Variants in TTLL11 observed in about 807,000 individuals in gnomAD.
TTLL11 encodes tubulin polyglutamylase TTLL11.
A neutral mutation model predicts 51.7 loss-of-function variants in TTLL11; 42 were observed. The observed-to-expected ratio is 0.81, with a 90% CI of 0.64 to 1.05. TTLL11 has a LOEUF of 1.05. Ranked by LOEUF, TTLL11 falls within the 50% of genes least tolerant of loss-of-function variation. The pLI, the probability that TTLL11 is intolerant of heterozygous loss-of-function variation, is 0.00. For missense variants in TTLL11, 799 were observed against 940.4 expected (o/e 0.85, Z 1.97); for synonymous variants, 381 against 383.5 (o/e 0.99, Z 0.08).
At chr9:121,888,433 C>T (rs1341514833) in intron 6 of TTLL11, among the ~76,000 whole-genome samples, 1 of 152,214 alleles carries the variant, frequency 6.6e-6, no homozygotes, top group Admixed American at 6.5e-5. Flanking sequence ...CGGGTTTCTG[C>T]ACTCCTAGTG....
At chr9:121,895,521 CTGTG>C (rs1839440069) in intron 6 of TTLL11, among the ~76,000 whole-genome samples, 1 of 147,322 alleles carries the variant, frequency 6.8e-6, no homozygotes, top group East Asian at 2.0e-4. Context: ...GTTTGTATGA[CTGTG>C]ACTGTGACTG....
intron 3 of TTLL11, among the ~76,000 whole-genome samples, chr9:121,997,561 C>G (rs780626977): frequency 1.3e-5 from 2 of 152,208 alleles, no homozygotes; most frequent in Non-Finnish European, 2.9e-5. Context: ...TGTCTGCAAG[C>G]AGCAGCTGCA....
In TTLL11 at chr9:121,826,203, T is replaced by C. The variant is rs1351806945; in HGVS notation, c.1841-3324A>G. Among the ~76,000 whole-genome samples, 299 of 112,560 alleles carry C rather than the reference T, an allele frequency of 2.7e-3. 35 individuals carry two copies. The highest frequency in any genetic ancestry group is 0.011 in the African/African-American group (276 of 25,548). 73.8% of individuals were successfully genotyped at this position (112,560 alleles called of 152,430 possible). On this transcript the variant is annotated intron_variant, in intron 8 of 8. Coordinates refer to ENST00000321582, the MANE Select transcript of TTLL11 (RefSeq NM_001139442.2). Reference sequence around the variant, plus strand: ...AGTAACCTATATATATATATATATATATATATATATATATGCACACATATA... The same window carrying C: ...AGTAACCTATATATATATATATATACATATATATATATATGCACACATATA...
intron 8 of TTLL11, among the ~76,000 whole-genome samples, chr9:121,855,247 T>C (rs1837779413): frequency 6.6e-6 from 1 of 152,268 alleles, no homozygotes; most frequent in South Asian, 2.1e-4. Context: ...AAGTGTCTCA[T>C]GAACCCAGGG....
intron 6 of TTLL11, among the ~76,000 whole-genome samples, chr9:121,932,884 T>G (rs4538962): frequency 0.91 from 138,668 of 152,174 alleles, 63,645 homozygotes; most frequent in Non-Finnish European, 0.97. Flanking sequence ...CAGGAAAATC[T>G]GTCTCATTAA....
rs116276833 is a variant in TTLL11, at chr9:122,065,299, G to A, written c.463-25931C>T. ...TCCTCGAAGTAATTTAGCCTCGCAA[G>A]AAGAAAAGGAATGGGTAAAAAATAA... On this transcript the variant is annotated intron_variant, in intron 1 of 8. Coordinates refer to ENST00000321582, the MANE Select transcript of TTLL11 (RefSeq NM_001139442.2). Among the ~76,000 whole-genome samples the A allele has an allele frequency of 4.8e-3, 738 of 152,262 alleles. 3 individuals carry two copies. Among genetic ancestry groups the A allele is most frequent in the African/African-American group, 0.015 (624 of 41,558 alleles).
chr9:121,988,118 AC>A (rs940189958), intron 4 of TTLL11, among the ~76,000 whole-genome samples: 7 of 151,512 alleles, frequency 4.6e-5, no homozygotes, highest in African/African-American at 1.7e-4. Flanking sequence ...TCATCCAGTC[AC>A]CAAGCTGAGC....
intron 7 of TTLL11, among the ~76,000 whole-genome samples, chr9:121,869,127 C>T (rs1838266259): frequency 6.6e-6 from 1 of 152,210 alleles, no homozygotes; most frequent in East Asian, 1.9e-4. Flanking sequence ...CTTCCCTCCC[C>T]CACCCTGCCC....
Position 122,031,759 on chromosome 9 carries a change from C to T in TTLL11, c.657G>A (p.Trp219Ter), listed in dbSNP as rs372169171. The T allele has an allele frequency of 6.2e-7, 1 of 1,613,274 alleles. No individual in the cohort carries two copies. The highest frequency in any genetic ancestry group is 1.1e-5 in the South Asian group (1 of 91,028). ...PEEYNFYPRS[W>*]ILPDEFQLFV... The stretch of plus-strand genomic sequence containing the variant: ...AGAGCTGGAACTCGTCAGGCAGAAT[C>T]CATGAGCGAGGGTAGAAGTTGTACT... Residue 219 changes from tryptophan to a stop codon, truncating the protein, a stop_gained, in exon 3 of 9, where the codon TGG becomes TGA. Coordinates refer to ENST00000321582, the MANE Select transcript of TTLL11 (RefSeq NM_001139442.2). LOFTEE classifies it high-confidence loss of function.
chr9:121,821,108 G>C lies in TTLL11; in HGVS notation c.*1479C>G, dbSNP rs868638222. On this transcript the variant is annotated 3_prime_UTR_variant, in exon 9 of 9. Coordinates refer to ENST00000321582, the MANE Select transcript of TTLL11 (RefSeq NM_001139442.2). The surrounding 1 kb of genome is among the most constrained non-coding windows in gnomAD (Gnocchi z 5.0). ...ATCTTGGATTAACAATCTTGCCTTTGGGTTTAAAAATATCTGGGGAGGGCG... is the reference window on the plus strand; with the variant it reads ...ATCTTGGATTAACAATCTTGCCTTTCGGTTTAAAAATATCTGGGGAGGGCG... Among the ~76,000 whole-genome samples the C allele has an allele frequency of 2.0e-4, 30 of 152,168 alleles. No homozygotes were observed. The South Asian group carries it at 6.2e-3, about 32-fold the overall frequency.
intron 3 of TTLL11, among the ~76,000 whole-genome samples, chr9:122,027,077 A>C (rs1011782704): frequency 1.3e-5 from 2 of 152,154 alleles, no homozygotes; most frequent in Non-Finnish European, 2.9e-5. Flanking sequence ...GCTTCTGGGG[A>C]GGCTTCAGGA....
intron 6 of TTLL11, among the ~76,000 whole-genome samples, chr9:121,891,625 C>A (rs1033391398): frequency 6.6e-6 from 1 of 152,202 alleles, no homozygotes; most frequent in African/African-American, 2.4e-5. Context: ...AGTTCACTTT[C>A]TTCTCAGAAC....
At chr9:121,894,257 C>A (rs759865595) in intron 6 of TTLL11, among the ~76,000 whole-genome samples, 10 of 152,144 alleles carry the variant, frequency 6.6e-5, no homozygotes, top group Non-Finnish European at 1.2e-4. Flanking sequence ...GACACAGAAA[C>A]CTTTCTGGAG....
intron 1 of TTLL11, among the ~76,000 whole-genome samples, chr9:122,087,546 G>A (rs986600702): frequency 6.6e-6 from 1 of 152,144 alleles, no homozygotes; most frequent in Non-Finnish European, 1.5e-5. Context: ...CAGGACAGGG[G>A]CTTATTCAAA....
chr9:121,942,507 C>T (rs1041712579), intron 6 of TTLL11, among the ~76,000 whole-genome samples: 6 of 152,096 alleles, frequency 3.9e-5, no homozygotes, highest in Non-Finnish European at 8.8e-5. Flanking sequence ...AACCCTGTAA[C>T]CCCAGCTCCT....
At chr9:122,069,729 C>A (rs72767748) in intron 1 of TTLL11, among the ~76,000 whole-genome samples, 1 of 151,848 alleles carries the variant, frequency 6.6e-6, no homozygotes, top group African/African-American at 2.4e-5. Context: ...GATGGGACTC[C>A]GAGGGAGTGG....
At chr9:121,926,016 T>A (rs1361829430) in intron 6 of TTLL11, among the ~76,000 whole-genome samples, 1 of 152,204 alleles carries the variant, frequency 6.6e-6, no homozygotes, top group Non-Finnish European at 1.5e-5. Context: ...GGTTCTGTGT[T>A]CCTCTCAAAA....
chr9:121,982,717 CAAAA>C (rs71371907), intron 4 of TTLL11, among the ~76,000 whole-genome samples: 57 of 97,432 alleles, frequency 5.9e-4, no homozygotes, highest in African/African-American at 2.6e-3. Context: ...AACTCCAACT[CAAAA>C]AAAAAAAAAA....
chr9:121,892,141 TACAC>T (rs1440626702), intron 6 of TTLL11, among the ~76,000 whole-genome samples: 3 of 147,194 alleles, frequency 2.0e-5, no homozygotes, highest in East Asian at 3.9e-4. Flanking sequence ...TTTATATATA[TACAC>T]ACATACATAT....
Sources: gnomAD v4.1 joint callset for allele counts (sites outside exome capture counted in the v4.1 genomes callset) on GRCh38, gnomAD v4.1.1 for gene constraint, Gnocchi (gnomAD v3.1) non-coding constraint, MANE v1.5 for transcripts, NCBI Gene and HGNC (gene_info 2026-07-23, HGNC 2026-07-21) for gene names.